NFIL3: variants seen among roughly 807,000 people sequenced by gnomAD.
NFIL3 encodes the protein nuclear factor, interleukin 3 regulated, also known as nuclear factor interleukin-3-regulated protein.
A neutral mutation model predicts 10.0 loss-of-function variants in NFIL3; 5 were observed. The ratio of observed to expected loss-of-function variants is 0.50; its 90% confidence interval spans 0.26 to 1.06. The LOEUF (loss-of-function observed/expected upper bound fraction) is 1.06, where lower values mean the gene tolerates loss of function less well. NFIL3 is among the 50% of genes least tolerant of loss of function. The pLI is 0.13. For missense variants in NFIL3, 436 were observed against 547.6 expected, an observed-to-expected ratio of 0.80 and a Z score of 2.03; for synonymous variants, 202 against 206.5, an observed-to-expected ratio of 0.98 and a Z score of 0.19.
the NFIL3 span, among the ~76,000 whole-genome samples, chr9:91,467,806 G>A: frequency 3.1e-3 from 473 of 152,054 alleles, 3 homozygotes; most frequent in African/African-American, 0.011. Flanking sequence ...CTGTCCTTGC[G>A]ATAGTTTGCT....
chr9:91,466,066 TCA>T, the NFIL3 span, among the ~76,000 whole-genome samples: 1 of 152,044 alleles, frequency 6.6e-6, no homozygotes, highest in Non-Finnish European at 1.5e-5. Flanking sequence ...TGTTTAGATC[TCA>T]GTCTTTTAGT....
rs369124348 is a variant in NFIL3, at chr9:91,409,646, G to A, written c.1089C>T (p.Phe363=). The A allele has an allele frequency of 6.6e-5, 106 of 1,614,056 alleles. No homozygotes were observed. Among genetic ancestry groups the A allele is most frequent in the Middle Eastern group, 3.3e-4 (2 of 6,084 alleles). Residue 363 remains phenylalanine (F), a synonymous_variant, in exon 2 of 2, where the codon TTC becomes TTT. Coordinates refer to ENST00000297689, the MANE Select transcript of NFIL3 (RefSeq NM_005384.3). ...SPIDMTSKRH[F]ELEKHSAPSM... ...TTGGGGCACTATGCTTTTCGAGTTC[G>A]AAATGTCTTTTAGATGTCATGTCAA...
chr9:91,412,942 GT>G (rs1456710381), intron 1 of NFIL3, among the ~76,000 whole-genome samples: 1 of 151,626 alleles, frequency 6.6e-6, no homozygotes, highest in Non-Finnish European at 1.5e-5. Flanking sequence ...ATAAAATGAA[GT>G]TTACTTTTAT....
chr9:91,483,429 G>T, the NFIL3 span, among the ~76,000 whole-genome samples: 1 of 152,192 alleles, frequency 6.6e-6, no homozygotes. Context: ...GGAGTCTGGA[G>T]TTGCAGGAAC....
chr9:91,457,929 A>G, the NFIL3 span, among the ~76,000 whole-genome samples: 4 of 151,922 alleles, frequency 2.6e-5, no homozygotes, highest in African/African-American at 9.7e-5. Context: ...AGATGATCAT[A>G]CAGTTTTTTT....
chr9:91,477,442 G>T, the NFIL3 span, among the ~76,000 whole-genome samples: 4 of 152,124 alleles, frequency 2.6e-5, no homozygotes, highest in African/African-American at 9.7e-5. Flanking sequence ...CAACTGATTG[G>T]CGACCTTAAT....
chr9:91,479,768 A>G, the NFIL3 span, among the ~76,000 whole-genome samples: 1 of 152,228 alleles, frequency 6.6e-6, no homozygotes, highest in South Asian at 2.1e-4. Context: ...CTTGAAACCC[A>G]GGGCCCTAGT....
chr9:91,480,144 A>AAT, the NFIL3 span, among the ~76,000 whole-genome samples: 1 of 140,550 alleles, frequency 7.1e-6, no homozygotes. Context: ...ATAATCTAAT[A>AAT]TTTTTTTTTT....
chr9:91,412,356 T>C (rs1833569965), intron 1 of NFIL3, among the ~76,000 whole-genome samples: 1 of 152,164 alleles, frequency 6.6e-6, no homozygotes, highest in Admixed American at 6.5e-5. Context: ...ACAGTTGCCT[T>C]AGCTCGAGAT....
upstream of NFIL3, among the ~76,000 whole-genome samples, chr9:91,426,026 C>G (rs1442347927): frequency 1.3e-5 from 2 of 152,146 alleles, no homozygotes; most frequent in African/African-American, 4.8e-5. Context: ...TAGTAAATGT[C>G]TTTCTTTAAA....
the NFIL3 span, among the ~76,000 whole-genome samples, chr9:91,475,490 A>G: frequency 6.6e-6 from 1 of 152,238 alleles, no homozygotes; most frequent in African/African-American, 2.4e-5. Context: ...ATTATAACCT[A>G]CAAGATGTGG....
chr9:91,470,486 G>A, the NFIL3 span, among the ~76,000 whole-genome samples: 1 of 151,096 alleles, frequency 6.6e-6, no homozygotes, highest in Non-Finnish European at 1.5e-5. Flanking sequence ...TGGATTCATT[G>A]ATTTTTTGAA....
At chr9:91,425,739 G>A (rs1452316240), upstream of NFIL3, among the ~76,000 whole-genome samples, 1 of 152,206 alleles carries the variant, frequency 6.6e-6, no homozygotes, top group Non-Finnish European at 1.5e-5. Flanking sequence ...CAGCCTCCCT[G>A]GTAGTGGAAT....
chr9:91,423,378 G>A (rs1484473237), intron 1 of NFIL3, among the ~76,000 whole-genome samples: 1 of 152,132 alleles, frequency 6.6e-6, no homozygotes, highest in Non-Finnish European at 1.5e-5. Flanking sequence ...AGCGGGGGGA[G>A]AGCGCAAACC....
Position 91,410,663 on chromosome 9 carries a change from C to A in NFIL3, c.72G>T (p.Lys24Asn). ...ASLDASSNVD[K>N]MMVLNSALTE... is the part of the protein sequence containing the mutation. ...TTAAAGCAGAATTAAGGACCATCAT[C>A]TTGTCCACATTGCTACTGGCATCAA... Residue 24 changes from lysine to asparagine, a missense_variant, in exon 2 of 2, where the codon AAG (lysine) becomes AAT (asparagine). By Grantham distance (94) the Lys-to-Asn change is moderately conservative. Coordinates refer to ENST00000297689, the MANE Select transcript of NFIL3 (RefSeq NM_005384.3). The surrounding 1 kb of genome is among the most constrained non-coding windows in gnomAD (Gnocchi z 5.7). 6.2e-7 allele frequency: 1 copy of A among 1,613,768 alleles called. No individual in the cohort carries two copies. Among genetic ancestry groups the A allele is most frequent in the Non-Finnish European group, 8.5e-7 (1 of 1,179,948 alleles).
the NFIL3 span, among the ~76,000 whole-genome samples, chr9:91,432,639 A>G: frequency 1.3e-5 from 2 of 148,606 alleles, no homozygotes; most frequent in South Asian, 2.2e-4. Flanking sequence ...ATAAGAACCT[A>G]TATATTCCAG....
At chr9:91,421,365 C>G (rs1360324732) in intron 1 of NFIL3, among the ~76,000 whole-genome samples, 1 of 151,820 alleles carries the variant, frequency 6.6e-6, no homozygotes, top group East Asian at 1.9e-4. Context: ...CGGCGCCTCC[C>G]AGAGACCCTC....
chr9:91,469,579 T>C, the NFIL3 span, among the ~76,000 whole-genome samples: 460 of 152,116 alleles, frequency 3.0e-3, no homozygotes, highest in Non-Finnish European at 5.1e-3. Flanking sequence ...TGAATAGGAG[T>C]GGGGAGAGAG....
chr9:91,472,378 T>C, the NFIL3 span, among the ~76,000 whole-genome samples: 2 of 152,204 alleles, frequency 1.3e-5, no homozygotes, highest in Admixed American at 6.5e-5. Context: ...CATAGTCCCA[T>C]ATTTCTTGGA....
Sources: gnomAD v4.1 joint callset for allele counts (sites outside exome capture counted in the v4.1 genomes callset) on GRCh38, gnomAD v4.1.1 for gene constraint, Gnocchi (gnomAD v3.1) non-coding constraint, MANE v1.5 for transcripts, NCBI Gene and HGNC (gene_info 2026-07-23, HGNC 2026-07-21) for gene names.